PCDHA2: variants seen among roughly 807,000 people sequenced by gnomAD.
The protein encoded by PCDHA2 is protocadherin alpha 2, also known as protocadherin alpha-2.
PCDHA2 carries 58 observed loss-of-function variants against 66.0 expected under a neutral mutation model. The ratio of observed to expected loss-of-function variants is 0.88; its 90% CI spans 0.71 to 1.09. The LOEUF (loss-of-function observed/expected upper bound fraction) is 1.09, where lower values mean the gene tolerates loss of function less well. Among genes scored for constraint, PCDHA2 ranks in the 50% least tolerant of loss-of-function variants. The pLI is 0.00. For missense variants in PCDHA2, 1,267 were observed against 1,242.3 expected (o/e 1.02, Z -0.30); for synonymous variants, 634 against 554.0 (o/e 1.14, Z -2.03).
In PCDHA2 at chr5:140,796,755, G is replaced by T. The variant is rs782655380; in HGVS notation, c.1791G>T (p.Val597=). The T allele has an allele frequency of 1.2e-6, 2 of 1,614,138 alleles. No individual in the cohort carries two copies. The highest frequency in any genetic ancestry group is 2.2e-5 in the South Asian group (2 of 91,092). Reference sequence around the variant, plus strand: ...ACGTGGTGGCGAAGGTGCGCGCAGTGGACGCTGACTCAGGCTACAACGCGT... The same window carrying T: ...ACGTGGTGGCGAAGGTGCGCGCAGTTGACGCTGACTCAGGCTACAACGCGT... ...AGHVVAKVRA[V]DADSGYNAWL... The change falls in exon 1 of 4, where the codon GTG becomes GTT. Residue 597 remains valine (V), a synonymous_variant. Coordinates refer to ENST00000526136, the MANE Select transcript of PCDHA2 (RefSeq NM_018905.3).
chr5:140,802,629 T>C (rs1762972242), intron 1 of PCDHA2: 1 of 1,613,844 alleles, frequency 6.2e-7, no homozygotes, highest in Non-Finnish European at 8.5e-7. Flanking sequence ...CTTCACGGTG[T>C]CTGCGCGGGA....
chr5:140,805,212 T>C (rs1175777549), intron 1 of PCDHA2: 1 of 1,422,146 alleles, frequency 7.0e-7, no homozygotes, highest in Non-Finnish European at 9.2e-7. Context: ...CAAATAAACA[T>C]TGTTTTCTAT....
intron 1 of PCDHA2, among the ~76,000 whole-genome samples, chr5:140,907,756 C>A (rs183321184): frequency 6.6e-6 from 1 of 152,146 alleles, no homozygotes; most frequent in African/African-American, 2.4e-5. Flanking sequence ...TGTTCATGGG[C>A]CCATTGGGTG....
chr5:140,838,076 TAGTGTGTG>T (rs1775469130), intron 1 of PCDHA2, among the ~76,000 whole-genome samples: 2 of 31,122 alleles, frequency 6.4e-5, no homozygotes, highest in Admixed American at 3.1e-4. Flanking sequence ...TATATATATA[TAGTGTGTG>T]TGTGTGTGTG....
chr5:140,967,386 T>TA, intron 1 of PCDHA2: 1 of 1,609,114 alleles, frequency 6.2e-7, no homozygotes, highest in Non-Finnish European at 8.5e-7. Context: ...AGTAAAGTGC[T>TA]TGAGCTGGTG....
intron 1 of PCDHA2, chr5:140,841,186 T>C (rs1554138025): frequency 1.7e-6 from 2 of 1,195,696 alleles, no homozygotes; most frequent in Non-Finnish European, 2.3e-6. Flanking sequence ...ATGTTCAAAG[T>C]CTTTTCTCTG....
chr5:140,830,644 T>G, intron 1 of PCDHA2: 1 of 475,478 alleles, frequency 2.1e-6, no homozygotes, highest in Non-Finnish European at 3.4e-6. Context: ...TCTTTGCTTC[T>G]TTAATATTCA....
At chr5:140,959,719 A>G (rs986383146) in intron 1 of PCDHA2, among the ~76,000 whole-genome samples, 4 of 152,366 alleles carry the variant, frequency 2.6e-5, no homozygotes, top group African/African-American at 9.6e-5. Context: ...AAATTTTTAG[A>G]TAACATTATC....
chr5:140,849,171 G>A (rs1554142799), intron 1 of PCDHA2: 3 of 1,114,430 alleles, frequency 2.7e-6, no homozygotes, highest in South Asian at 1.5e-5. Context: ...GACTGGCACC[G>A]TTCAATTACT....
In PCDHA2 at chr5:140,843,150, A is replaced by T; in HGVS notation, c.2388+45798A>T. Reference sequence around the variant, plus strand: ...GGCTACAACGCGTGGCTTTCGTATGAGCTGCAGCCAGCTGCAAGCAGCCCT... The same window carrying T: ...GGCTACAACGCGTGGCTTTCGTATGTGCTGCAGCCAGCTGCAAGCAGCCCT... On this transcript the variant is annotated intron_variant, in intron 1 of 3. Transcript: ENST00000526136. 1.3e-6 allele frequency: 2 copies of T among 1,595,990 alleles called. 1 individual carries two copies. Among genetic ancestry groups the T allele is most frequent in the Non-Finnish European group, 1.7e-6 (2 of 1,165,576 alleles).
At chr5:140,903,635 A>T (rs2070455281) in intron 1 of PCDHA2, among the ~76,000 whole-genome samples, 1 of 152,244 alleles carries the variant, frequency 6.6e-6, no homozygotes, top group Non-Finnish European at 1.5e-5. Context: ...ATGTATGCAT[A>T]TACCATATAC....
chr5:140,850,357 C>G (rs146638035), intron 1 of PCDHA2: 1 of 1,597,856 alleles, frequency 6.3e-7, no homozygotes, highest in African/African-American at 1.3e-5. Flanking sequence ...GCGAGCATCC[C>G]GTTCCGCGTG....
intron 1 of PCDHA2, among the ~76,000 whole-genome samples, chr5:140,897,588 T>C (rs1554187466): frequency 6.6e-6 from 1 of 152,172 alleles, no homozygotes; most frequent in African/African-American, 2.4e-5. Flanking sequence ...CAGTCTGTCA[T>C]TGTTGGACAT....
chr5:140,857,626 G>A (rs536509917), intron 1 of PCDHA2: 1 of 1,596,672 alleles, frequency 6.3e-7, no homozygotes, highest in South Asian at 1.1e-5. Context: ...ACCACGAGGA[G>A]CTGGAGCTGC....
At chr5:140,887,241 C>T (rs1215011038) in intron 1 of PCDHA2, among the ~76,000 whole-genome samples, 2 of 151,912 alleles carry the variant, frequency 1.3e-5, no homozygotes, top group African/African-American at 2.4e-5. Flanking sequence ...AGACTACCGG[C>T]GCCCGCCACC....
intron 1 of PCDHA2, among the ~76,000 whole-genome samples, chr5:140,925,841 C>CT (rs1451775258): frequency 1.3e-5 from 2 of 152,066 alleles, no homozygotes; most frequent in African/African-American, 4.8e-5. Flanking sequence ...GTCGTCAAGT[C>CT]TTTGAGTTTC....
chr5:140,918,238 T>A (rs1486197237), intron 1 of PCDHA2, among the ~76,000 whole-genome samples: 3 of 152,176 alleles, frequency 2.0e-5, no homozygotes, highest in African/African-American at 7.2e-5. Context: ...GTACATTGAT[T>A]TTGTATGCTG....
At chr5:140,895,904 C>T (rs956599707) in intron 1 of PCDHA2, among the ~76,000 whole-genome samples, 10 of 152,136 alleles carry the variant, frequency 6.6e-5, no homozygotes, top group South Asian at 2.1e-4. Flanking sequence ...CTCCGCGTCC[C>T]GGGCTCAACA....
At chr5:140,931,875 T>C (rs1457456146) in intron 1 of PCDHA2, among the ~76,000 whole-genome samples, 3 of 151,982 alleles carry the variant, frequency 2.0e-5, no homozygotes, top group African/African-American at 7.2e-5. Flanking sequence ...AAAATATTTA[T>C]TGCTTTCATT....
Sources: allele counts gnomAD v4.1 joint callset (sites outside exome capture counted in the v4.1 genomes callset), GRCh38; gene constraint gnomAD v4.1.1; transcripts MANE v1.5; gene names NCBI Gene and HGNC (gene_info 2026-07-23, HGNC 2026-07-21).